The following TBC1D4 variants were observed in gnomAD, a reference collection of about 807,000 sequenced individuals.
The protein encoded by TBC1D4 is TBC1 domain family member 4.
Under a neutral mutation model 142.5 loss-of-function variants are expected in TBC1D4, and 121 were observed. That is an observed-to-expected ratio of 0.85 (90% CI 0.73 to 0.99). The LOEUF (loss-of-function observed/expected upper bound fraction) is 0.99. TBC1D4 is among the 50% of genes least tolerant of loss of function. The pLI is 0.00. For synonymous variants in TBC1D4, 630 were observed against 628.2 expected (o/e 1.00, Z -0.04); for missense variants, 1,475 against 1,606.6 (o/e 0.92, Z 1.40).
At chr13:75,419,663 G>A (rs998535467) in intron 1 of TBC1D4, among the ~76,000 whole-genome samples, 2 of 152,220 alleles carry the variant, frequency 1.3e-5, no homozygotes, top group African/African-American at 4.8e-5. Context: ...GAGGGAGGCT[G>A]AAGTGGGCAT....
intron 1 of TBC1D4, among the ~76,000 whole-genome samples, chr13:75,437,836 TG>T (rs1235134089): frequency 1.3e-5 from 2 of 152,202 alleles, no homozygotes; most frequent in Non-Finnish European, 2.9e-5. Flanking sequence ...TGCTGTTCAC[TG>T]TGAACTATTT....
chr13:75,343,676 C>T (rs1880909501), intron 5 of TBC1D4, among the ~76,000 whole-genome samples: 1 of 152,074 alleles, frequency 6.6e-6, no homozygotes, highest in African/African-American at 2.4e-5. Context: ...GCCACCACAC[C>T]CAGCTACTTT....
rs146987193 is a variant in TBC1D4 at position 75,357,754 on chromosome 13, C to T, written c.1171-1503G>A. Among the ~76,000 whole-genome samples, 148 of 152,226 alleles carry T rather than the reference C, an allele frequency of 9.7e-4. 1 individual carries two copies. Among genetic ancestry groups the T allele is most frequent in the African/African-American group, 3.4e-3 (141 of 41,520 alleles). On this transcript the variant is annotated intron_variant, in intron 3 of 20. Coordinates refer to ENST00000377636, the MANE Select transcript of TBC1D4 (RefSeq NM_014832.5). ...TTCCTGAAAACAGCCACATTATATGCGTTCAGTTCCATGGAAGGATGTAAT... is the reference window on the plus strand; with the variant it reads ...TTCCTGAAAACAGCCACATTATATGTGTTCAGTTCCATGGAAGGATGTAAT...
rs571216800 is a variant in TBC1D4 at position 75,457,804 on chromosome 13, A to C, written c.498+23466T>G. ...ATCTCTGTTGTCCAACAAGCACCTCAGGTGATTTTTATCAATGAAGCGAGC... is the reference window on the plus strand; with the variant it reads ...ATCTCTGTTGTCCAACAAGCACCTCCGGTGATTTTTATCAATGAAGCGAGC... On this transcript the variant is annotated intron_variant, in intron 1 of 20. Coordinates refer to ENST00000377636, the MANE Select transcript of TBC1D4 (RefSeq NM_014832.5). 5.4e-3 allele frequency among the ~76,000 whole-genome samples: 819 copies of C among 152,262 alleles called. 8 individuals carry two copies. Among genetic ancestry groups the C allele is most frequent in the African/African-American group, 0.018 (734 of 41,556 alleles).
chr13:75,474,646 CT>C (rs71127545), intron 1 of TBC1D4, among the ~76,000 whole-genome samples: 1,570 of 146,654 alleles, frequency 0.011, 21 homozygotes, highest in African/African-American at 0.034. Flanking sequence ...ATAATTTAAC[CT>C]TTTTTTTTTT....
chr13:75,287,073 A>G, intron 20 of TBC1D4, 48 bp from the exon 21 acceptor site: 1 of 1,487,006 alleles, frequency 6.7e-7, no homozygotes, highest in East Asian at 2.3e-5. Context: ...TCATTATAGT[A>G]GGAGACAGTC....
intron 1 of TBC1D4, among the ~76,000 whole-genome samples, chr13:75,463,409 G>A (rs1888049992): frequency 6.6e-6 from 1 of 152,130 alleles, no homozygotes; most frequent in South Asian, 2.1e-4. Context: ...GCACAAAAGT[G>A]CTAAGCTGAC....
chr13:75,318,083 C>T (rs1878462208), intron 12 of TBC1D4, among the ~76,000 whole-genome samples: 1 of 152,194 alleles, frequency 6.6e-6, no homozygotes, highest in East Asian at 1.9e-4. Context: ...ATTGTAATGT[C>T]TACTTGCCTG....
chr13:75,464,864 C>T (rs1888107052), intron 1 of TBC1D4, among the ~76,000 whole-genome samples: 1 of 152,168 alleles, frequency 6.6e-6, no homozygotes, highest in Non-Finnish European at 1.5e-5. Context: ...GTTAGGAAAA[C>T]AGAACTGAAG....
intron 1 of TBC1D4, among the ~76,000 whole-genome samples, chr13:75,398,730 T>C (rs1485059138): frequency 6.6e-6 from 1 of 152,128 alleles, no homozygotes; most frequent in Admixed American, 6.5e-5. Flanking sequence ...TTTTACAGTA[T>C]AAAGTAGCCT....
intron 1 of TBC1D4, among the ~76,000 whole-genome samples, chr13:75,393,935 A>AAC (rs1472621474): frequency 6.6e-6 from 1 of 151,860 alleles, no homozygotes; most frequent in Non-Finnish European, 1.5e-5. Context: ...CTCAAAAAAA[A>AAC]AAAAACAAAA....
At chr13:75,343,930 T>G (rs1383806508) in intron 5 of TBC1D4, among the ~76,000 whole-genome samples, 1 of 152,208 alleles carries the variant, frequency 6.6e-6, no homozygotes, top group African/African-American at 2.4e-5. Flanking sequence ...AACCTCTGCC[T>G]CCTGGGTTCA....
At chr13:75,341,399 T>C in intron 6 of TBC1D4, 97 bp downstream of exon 6, 1 of 1,323,488 alleles carries the variant, frequency 7.6e-7, no homozygotes, top group South Asian at 1.2e-5. Context: ...TCATGCATCT[T>C]TAGCTCTAGG....
intron 17 of TBC1D4, among the ~76,000 whole-genome samples, chr13:75,298,203 G>C (rs1876153349): frequency 6.6e-6 from 1 of 152,168 alleles, no homozygotes; most frequent in African/African-American, 2.4e-5. Context: ...CATTTCAAGG[G>C]AGGAAAAACC....
chr13:75,441,117 A>C (rs994459940), intron 1 of TBC1D4, among the ~76,000 whole-genome samples: 4 of 152,074 alleles, frequency 2.6e-5, no homozygotes, highest in Admixed American at 1.3e-4. Flanking sequence ...TTAGCCAGGC[A>C]TGGTGGCGGG....
chr13:75,315,231 C>T (rs148801656), intron 12 of TBC1D4, among the ~76,000 whole-genome samples: 267 of 151,580 alleles, frequency 1.8e-3, no homozygotes, highest in Middle Eastern at 6.8e-3. Flanking sequence ...TCGCTTGAAC[C>T]CAGGAGGCAA....
intron 1 of TBC1D4, among the ~76,000 whole-genome samples, chr13:75,426,170 C>T (rs929216641): frequency 1.3e-5 from 2 of 151,990 alleles, no homozygotes; most frequent in South Asian, 4.1e-4. Flanking sequence ...AAATGGCCGA[C>T]AGGGATATGA....
At chr13:75,378,947 T>G (rs762932983) in intron 1 of TBC1D4, among the ~76,000 whole-genome samples, 24 of 152,130 alleles carry the variant, frequency 1.6e-4, no homozygotes, top group Non-Finnish European at 3.2e-4. Context: ...CGTTCAACAT[T>G]TGCAGTATGG....
chr13:75,395,621 A>G (rs1454688690), intron 1 of TBC1D4, among the ~76,000 whole-genome samples: 1 of 152,160 alleles, frequency 6.6e-6, no homozygotes, highest in East Asian at 1.9e-4. Context: ...ACCTGAGGTC[A>G]GGAGTTCGAG....
Sources: allele counts gnomAD v4.1 joint callset (sites outside exome capture counted in the v4.1 genomes callset), GRCh38; gene constraint gnomAD v4.1.1; transcripts MANE v1.5; gene names NCBI Gene and HGNC (gene_info 2026-07-23, HGNC 2026-07-21).